Variants in TRPC4 observed in about 807,000 individuals in gnomAD.
TRPC4 encodes transient receptor potential cation channel subfamily C member 4.
A neutral mutation model predicts 99.4 loss-of-function variants in TRPC4; 49 were observed. The ratio of observed to expected loss-of-function variants is 0.49; its 90% CI spans 0.39 to 0.63. The LOEUF (loss-of-function observed/expected upper bound fraction) is 0.63, where lower values mean the gene tolerates loss of function less well. TRPC4 is among the 20% of genes least tolerant of loss of function. The pLI, the probability that TRPC4 is intolerant of heterozygous loss-of-function variation, is 0.00. For synonymous variants in TRPC4, 454 were observed against 425.9 expected (o/e 1.07, Z -0.81); for missense variants, 898 against 1,152.9 (o/e 0.78, Z 3.20).
chr13:37,862,288 CTG>C (rs936859712), intron 1 of TRPC4, among the ~76,000 whole-genome samples: 1 of 151,512 alleles, frequency 6.6e-6, no homozygotes, highest in African/African-American at 2.4e-5. Flanking sequence ...TAACATGTGA[CTG>C]TAACACCAAA....
intron 3 of TRPC4, among the ~76,000 whole-genome samples, chr13:37,734,087 C>T (rs1295022855): frequency 6.6e-6 from 1 of 152,106 alleles, no homozygotes; most frequent in Admixed American, 6.6e-5. Flanking sequence ...ACTGAATGTG[C>T]CTCCATGTTC....
chr13:37,721,576 T>C (rs961854795), intron 3 of TRPC4, among the ~76,000 whole-genome samples: 1 of 152,180 alleles, frequency 6.6e-6, no homozygotes, highest in Non-Finnish European at 1.5e-5. Context: ...TAGGTAGATT[T>C]GGCTGAACAT....
intron 6 of TRPC4, among the ~76,000 whole-genome samples, chr13:37,657,816 G>C (rs1209310174): frequency 6.6e-6 from 1 of 151,824 alleles, no homozygotes; most frequent in East Asian, 1.9e-4. Context: ...AAATTTAAAG[G>C]GGAAAATTCT....
intron 2 of TRPC4, among the ~76,000 whole-genome samples, chr13:37,766,193 C>G (rs2139266036): frequency 6.6e-6 from 1 of 151,456 alleles, no homozygotes; most frequent in African/African-American, 2.4e-5. Flanking sequence ...GCCTGAGACT[C>G]CTAGAATTGT....
chr13:37,714,047 C>T (rs1954575113), intron 3 of TRPC4, among the ~76,000 whole-genome samples: 1 of 151,654 alleles, frequency 6.6e-6, no homozygotes, highest in South Asian at 2.1e-4. Flanking sequence ...TTCCTTCCTT[C>T]CTTCCCTCCT....
intron 10 of TRPC4, among the ~76,000 whole-genome samples, chr13:37,638,440 A>AT (rs1469093924): frequency 1.3e-5 from 2 of 152,032 alleles, no homozygotes; most frequent in Non-Finnish European, 2.9e-5. Flanking sequence ...TCTCCTATAG[A>AT]TTTTTTTAAA....
At chr13:37,693,347 C>T (rs866188249) in intron 3 of TRPC4, among the ~76,000 whole-genome samples, 33 of 151,930 alleles carry the variant, frequency 2.2e-4, no homozygotes, top group African/African-American at 7.0e-4. Flanking sequence ...AGAGCATAAC[C>T]TGGTGAGAAA....
At chr13:37,860,059 G>T (rs566318917) in intron 1 of TRPC4, among the ~76,000 whole-genome samples, 9 of 151,252 alleles carry the variant, frequency 6.0e-5, no homozygotes, top group African/African-American at 2.2e-4. Context: ...GCATTGTTTT[G>T]TGTTACACTT....
intron 3 of TRPC4, among the ~76,000 whole-genome samples, chr13:37,711,236 A>G (rs1221689977): frequency 6.6e-6 from 1 of 151,996 alleles, no homozygotes. Flanking sequence ...ACAGAGTTTA[A>G]AGATAATATA....
At chr13:37,828,617 T>C (rs866703716) in intron 1 of TRPC4, among the ~76,000 whole-genome samples, 1 of 152,030 alleles carries the variant, frequency 6.6e-6, no homozygotes, top group Non-Finnish European at 1.5e-5. Flanking sequence ...ATAAAGAAAA[T>C]GTGGTACATA....
rs142358329 is a variant in TRPC4 at position 37,694,401 on chromosome 13, G to A, written c.898-2066C>T. On this transcript the variant is annotated intron_variant, in intron 3 of 10. Coordinates refer to ENST00000379705, the MANE Select transcript of TRPC4 (RefSeq NM_016179.4). ...ACTTTGTTCACTACAGTCTAAGTGAGGTCTTGGATTCAAACTCTGTTCTTC... is the reference window on the plus strand; with the variant it reads ...ACTTTGTTCACTACAGTCTAAGTGAAGTCTTGGATTCAAACTCTGTTCTTC... Among the ~76,000 whole-genome samples the A allele has an allele frequency of 5.4e-3, 818 of 152,250 alleles. 6 individuals are homozygous for A. Among genetic ancestry groups the A allele is most frequent in the African/African-American group, 0.019 (781 of 41,544 alleles).
chr13:37,713,623 C>T (rs1954560278), intron 3 of TRPC4, among the ~76,000 whole-genome samples: 1 of 152,118 alleles, frequency 6.6e-6, no homozygotes, highest in Non-Finnish European at 1.5e-5. Context: ...TCTTAAAAAA[C>T]TGAGGAAGAA....
chr13:37,709,002 A>G (rs1315120043), intron 3 of TRPC4, among the ~76,000 whole-genome samples: 2 of 151,944 alleles, frequency 1.3e-5, no homozygotes, highest in African/African-American at 4.8e-5. Flanking sequence ...CTTCTGTCAT[A>G]TCTGTACAAT....
At chr13:37,852,972 A>C (rs1959096571) in intron 1 of TRPC4, among the ~76,000 whole-genome samples, 1 of 152,122 alleles carries the variant, frequency 6.6e-6, no homozygotes, top group South Asian at 2.1e-4. Context: ...CAAATTCCTA[A>C]GACTTTTGAC....
chr13:37,822,821 T>C (rs559280542), intron 1 of TRPC4, among the ~76,000 whole-genome samples: 2 of 152,086 alleles, frequency 1.3e-5, no homozygotes, highest in African/African-American at 4.8e-5. Context: ...GTATTTCTAG[T>C]TCTAGATCCC....
chr13:37,758,043 G>A (rs140485449), intron 2 of TRPC4, among the ~76,000 whole-genome samples: 274 of 151,918 alleles, frequency 1.8e-3, no homozygotes, highest in African/African-American at 6.2e-3. Flanking sequence ...GGTAATTGGC[G>A]TATTCACGTA....
chr13:37,711,745 A>G (rs1287212841), intron 3 of TRPC4, among the ~76,000 whole-genome samples: 1 of 152,084 alleles, frequency 6.6e-6, no homozygotes, highest in Non-Finnish European at 1.5e-5. Context: ...ATAGACATTT[A>G]ATGTATAAGT....
chr13:37,838,083 A>G (rs1958617356), intron 1 of TRPC4, among the ~76,000 whole-genome samples: 1 of 152,114 alleles, frequency 6.6e-6, no homozygotes, highest in African/African-American at 2.4e-5. Flanking sequence ...CCCCAGCCAC[A>G]TGGAACCGTA....
At chr13:37,745,458 A>ATATATATATATATATGCG (rs1593641266) in intron 3 of TRPC4, among the ~76,000 whole-genome samples, 3 of 6,584 alleles carry the variant, frequency 4.6e-4, no homozygotes, top group African/African-American at 1.2e-3. Context: ...ATATATATAT[A>ATATATATATATATATGCG]TATATATATA....
Sources: allele counts gnomAD v4.1 joint callset (sites outside exome capture counted in the v4.1 genomes callset), GRCh38; gene constraint gnomAD v4.1.1; transcripts MANE v1.5; gene names NCBI Gene and HGNC (gene_info 2026-07-23, HGNC 2026-07-21).